Variants in NUMB observed in about 807,000 individuals in gnomAD.
NUMB encodes the protein NUMB endocytic adaptor protein, also known as protein numb homolog.
NUMB carries 29 observed loss-of-function variants against 59.7 expected under a neutral mutation model. The ratio of observed to expected loss-of-function variants is 0.49; its 90% confidence interval spans 0.36 to 0.66. The LOEUF (loss-of-function observed/expected upper bound fraction) is 0.66. Ranked by LOEUF, NUMB falls within the 30% of genes least tolerant of loss-of-function variation. NUMB has a pLI of 0.00. For missense variants in NUMB, 723 were observed against 822.0 expected, an observed-to-expected ratio of 0.88 and a Z score of 1.47; for synonymous variants, 288 against 288.2, an observed-to-expected ratio of 1.00 and a Z score of 0.01.
chr14:73,388,325 G>A (rs1442359587), intron 2 of NUMB, among the ~76,000 whole-genome samples: 1 of 152,114 alleles, frequency 6.6e-6, no homozygotes, highest in Admixed American at 6.5e-5. Flanking sequence ...TCTAATAGAA[G>A]AAACCTTATC....
At chr14:73,361,239 C>T (rs1220272230) in intron 3 of NUMB, among the ~76,000 whole-genome samples, 1 of 152,182 alleles carries the variant, frequency 6.6e-6, no homozygotes, top group Admixed American at 6.6e-5. Flanking sequence ...CCTTGATCAT[C>T]AGATGCTTCA....
chr14:73,350,607 G>C (rs1893195135), intron 4 of NUMB, among the ~76,000 whole-genome samples: 1 of 151,056 alleles, frequency 6.6e-6, no homozygotes, highest in Non-Finnish European at 1.5e-5. Context: ...GAGTGCAGTG[G>C]TGCAATCATG....
At chr14:73,399,084 C>T (rs372893756) in intron 2 of NUMB, among the ~76,000 whole-genome samples, 7 of 152,032 alleles carry the variant, frequency 4.6e-5, no homozygotes, top group Admixed American at 3.3e-4. Flanking sequence ...ATACAGTATG[C>T]GCTTCCATAA....
chr14:73,288,934 T>C (rs549868168), intron 8 of NUMB, among the ~76,000 whole-genome samples: 27 of 151,978 alleles, frequency 1.8e-4, no homozygotes, highest in Non-Finnish European at 3.8e-4. Flanking sequence ...TCTGTGGTCC[T>C]ACTTGGGAGG....
intron 3 of NUMB, among the ~76,000 whole-genome samples, chr14:73,361,588 T>C (rs1894099472): frequency 6.6e-6 from 1 of 152,152 alleles, no homozygotes; most frequent in Non-Finnish European, 1.5e-5. Flanking sequence ...CCAGTAGTTA[T>C]CTTTTCTGCT....
intron 2 of NUMB, among the ~76,000 whole-genome samples, chr14:73,382,209 C>T (rs1238796658): frequency 2.0e-5 from 3 of 152,138 alleles, no homozygotes; most frequent in Non-Finnish European, 2.9e-5. Flanking sequence ...TGCAATGGCA[C>T]GATCTTGGCT....
At chr14:73,458,173 A>C in intron 1 of NUMB, 1 of 151,536 alleles carries the variant, frequency 6.6e-6, no homozygotes. Flanking sequence ...CCTACTCCTC[A>C]CACAGTGGCC....
At chr14:73,412,276 A>G (rs1209205580) in intron 1 of NUMB, among the ~76,000 whole-genome samples, 1 of 151,974 alleles carries the variant, frequency 6.6e-6, no homozygotes, top group Non-Finnish European at 1.5e-5. Flanking sequence ...AGCACCTCCT[A>G]TGGATTATCC....
In NUMB at chr14:73,445,354, CAAAAAAAAAAAAAAA is replaced by C. The variant is rs752154048; in HGVS notation, c.-233+13124_-233+13138del. Among the ~76,000 whole-genome samples the C allele has an allele frequency of 1.9e-3, 107 of 57,526 alleles. No homozygotes were observed. The South Asian group carries it at 0.02, about 11-fold the overall frequency. The allele number at this position is 57,526 out of a possible 152,430, so 37.7% of individuals were successfully genotyped here. On this transcript the variant is annotated intron_variant, in intron 1 of 12. Transcript: ENST00000555238. Reference sequence around the variant, plus strand: ...TGAGTGACAAAGTGAGACCCTGTCTCAAAAAAAAAAAAAAAAAAAAAAAAAAAAAAAAAAAAAAAA... The same window carrying C: ...TGAGTGACAAAGTGAGACCCTGTCTCAAAAAAAAAAAAAAAAAAAAAAAAA...
At chr14:73,304,672 G>A (rs1890324051) in intron 6 of NUMB, among the ~76,000 whole-genome samples, 1 of 152,144 alleles carries the variant, frequency 6.6e-6, no homozygotes. Context: ...ATACATGGTA[G>A]GTGGAAAGAT....
intron 6 of NUMB, among the ~76,000 whole-genome samples, chr14:73,304,824 G>C (rs554008175): frequency 7.2e-5 from 11 of 152,098 alleles, no homozygotes; most frequent in African/African-American, 2.7e-4. Context: ...GCGGTGGTGC[G>C]ATCTCGGCTC....
intron 4 of NUMB, among the ~76,000 whole-genome samples, chr14:73,344,789 A>T (rs911528490): frequency 5.3e-5 from 8 of 152,226 alleles, no homozygotes; most frequent in Non-Finnish European, 8.8e-5. Context: ...CCAATAGAAG[A>T]TCCACTTCAG....
chr14:73,321,070 A>C (rs2139918463), intron 5 of NUMB, among the ~76,000 whole-genome samples: 1 of 152,248 alleles, frequency 6.6e-6, no homozygotes, highest in Non-Finnish European at 1.5e-5. Context: ...TTCAAAAAAA[A>C]ACAAAGCTAG....
intron 1 of NUMB, among the ~76,000 whole-genome samples, chr14:73,440,683 T>C (rs1394204385): frequency 6.6e-6 from 1 of 151,322 alleles, no homozygotes; most frequent in Non-Finnish European, 1.5e-5. Context: ...TACAAAAAAT[T>C]AGCCGGGTGT....
chr14:73,353,072 G>GTTTTTTTTTTTTTTTTTTTTTT lies in NUMB; in HGVS notation c.126+2532_126+2553dup. On this transcript the variant is annotated intron_variant, in intron 4 of 12. Transcript: ENST00000555238. ...CTTAATGGATGCCACAGTTTTTCTTGTTTTTTTTTTTTTTTTTTTTTTTTT... is the reference window on the plus strand; with the variant it reads ...CTTAATGGATGCCACAGTTTTTCTTGTTTTTTTTTTTTTTTTTTTTTTTTTTTTTTTTTTTTTTTTTTTTTTT... 2.2e-3 allele frequency among the ~76,000 whole-genome samples: 128 copies of GTTTTTTTTTTTTTTTTTTTTTT among 58,520 alleles called. 35 individuals carry two copies. The highest frequency in any genetic ancestry group is 3.8e-3 in the East Asian group (6 of 1,596). 38.4% of individuals were successfully genotyped at this position (58,520 alleles called of 152,430 possible).
At chr14:73,308,658 T>C (rs1166532497) in intron 6 of NUMB, among the ~76,000 whole-genome samples, 1 of 152,156 alleles carries the variant, frequency 6.6e-6, no homozygotes, top group African/African-American at 2.4e-5. Flanking sequence ...TGTATGGAGA[T>C]ATAAATTTCA....
intron 6 of NUMB, among the ~76,000 whole-genome samples, chr14:73,302,936 C>T (rs1000379854): frequency 1.3e-5 from 2 of 152,044 alleles, no homozygotes; most frequent in Non-Finnish European, 2.9e-5. Flanking sequence ...ACATACAGGC[C>T]GGGCACAGTG....
intron 4 of NUMB, among the ~76,000 whole-genome samples, chr14:73,326,569 G>A: frequency 6.6e-6 from 1 of 151,866 alleles, no homozygotes; most frequent in African/African-American, 2.4e-5. Flanking sequence ...AGAGATTGCA[G>A]TAAGCCGAGA....
chr14:73,455,321 A>G (rs769295832), intron 1 of NUMB, among the ~76,000 whole-genome samples: 20 of 152,218 alleles, frequency 1.3e-4, no homozygotes, highest in Admixed American at 2.6e-4. Context: ...TGTTCTTAAC[A>G]GCCATAAAAA....
Sources: gnomAD v4.1 joint callset for allele counts (sites outside exome capture counted in the v4.1 genomes callset) on GRCh38, gnomAD v4.1.1 for gene constraint, MANE v1.5 for transcripts, NCBI Gene and HGNC (gene_info 2026-07-23, HGNC 2026-07-21) for gene names.